Variants in SLC35A3 observed in about 807,000 individuals in gnomAD.
SLC35A3 encodes the protein UDP-N-acetylglucosamine transporter.
A neutral mutation model predicts 39.0 loss-of-function variants in SLC35A3; 26 were observed. The ratio of observed to expected loss-of-function variants is 0.67; its 90% CI spans 0.49 to 0.92. SLC35A3 has a LOEUF of 0.92. Ranked by LOEUF, SLC35A3 falls within the 40% of genes least tolerant of loss-of-function variation. SLC35A3 has a pLI of 0.00. For synonymous variants in SLC35A3, 135 were observed against 133.1 expected, an observed-to-expected ratio of 1.01 and a Z score of -0.10; for missense variants, 299 against 371.6, an observed-to-expected ratio of 0.80 and a Z score of 1.61.
chr1:100,009,735 A>G (rs1250305620), intron 4 of SLC35A3, among the ~76,000 whole-genome samples: 1 of 152,256 alleles, frequency 6.6e-6, no homozygotes, highest in Non-Finnish European at 1.5e-5. Context: ...TTAGACCAAT[A>G]AATATCATAG....
intron 3 of SLC35A3, among the ~76,000 whole-genome samples, chr1:100,003,416 C>CAAAAAAA (rs34020224): frequency 1.2e-4 from 7 of 57,130 alleles, no homozygotes; most frequent in Non-Finnish European, 2.0e-4. Context: ...AACTCCATCT[C>CAAAAAAA]AAAAAAAAAA....
At chr1:99,971,159 T>C (rs1377682835) in intron 1 of SLC35A3, among the ~76,000 whole-genome samples, 1 of 152,178 alleles carries the variant, frequency 6.6e-6, no homozygotes, top group Admixed American at 6.5e-5. Context: ...TATTCCTTCC[T>C]CAGAAATACG....
intron 1 of SLC35A3, among the ~76,000 whole-genome samples, chr1:99,975,272 G>A (rs1657048903): frequency 6.6e-6 from 1 of 152,064 alleles, no homozygotes; most frequent in African/African-American, 2.4e-5. Context: ...ATTACACAGA[G>A]TTATGAAGAG....
At chr1:100,000,070 A>T (rs1049099875) in intron 3 of SLC35A3, among the ~76,000 whole-genome samples, 4 of 152,130 alleles carry the variant, frequency 2.6e-5, no homozygotes, top group Non-Finnish European at 4.4e-5. Context: ...TGATATACTG[A>T]TTTCCTTTCC....
chr1:99,986,290 G>A (rs1383836301), intron 1 of SLC35A3, among the ~76,000 whole-genome samples: 1 of 150,722 alleles, frequency 6.6e-6, no homozygotes, highest in Non-Finnish European at 1.5e-5. Context: ...TCAGCCTCCT[G>A]AGTAGCTGGG....
rs759083864 is a variant in SLC35A3 at position 99,985,757 on chromosome 1, A to G, written c.-18-7780A>G. On this transcript the variant is annotated intron_variant, in intron 1 of 7. Coordinates refer to ENST00000533028, the MANE Select transcript of SLC35A3 (RefSeq NM_012243.3). The stretch of plus-strand genomic sequence containing the variant: ...ATGATTTCTTTCAGCAGTGTTTTGT[A>G]GTTTTCCTTATAGAGGTCCTTCACC... Among the ~76,000 whole-genome samples, 10 of 152,140 alleles carry G rather than the reference A, an allele frequency of 6.6e-5. No individual in the cohort carries two copies. The East Asian group carries it at 7.7e-4, about 12-fold the overall frequency.
At chr1:100,016,192 G>A (rs1259008015) in intron 6 of SLC35A3, among the ~76,000 whole-genome samples, 2 of 151,106 alleles carry the variant, frequency 1.3e-5, no homozygotes, top group Admixed American at 1.3e-4. Flanking sequence ...AGCCTCCTGA[G>A]TAGCTGGGAT....
intron 1 of SLC35A3, among the ~76,000 whole-genome samples, chr1:99,972,150 C>A (rs1656852677): frequency 6.6e-6 from 1 of 151,940 alleles, no homozygotes. Context: ...ATCCACCTGC[C>A]TCGACATCCC....
chr1:100,018,172 A>T (rs184592139), intron 7 of SLC35A3, among the ~76,000 whole-genome samples: 9 of 152,346 alleles, frequency 5.9e-5, no homozygotes, highest in Admixed American at 5.9e-4. Flanking sequence ...GAGATAGTTT[A>T]TATAGAGAAT....
At chr1:100,006,177 A>G (rs780264706) in intron 3 of SLC35A3, among the ~76,000 whole-genome samples, 2 of 152,122 alleles carry the variant, frequency 1.3e-5, no homozygotes, top group Non-Finnish European at 2.9e-5. Context: ...AGGCTGTGGC[A>G]AGGCTTTGCT....
At chr1:99,973,816 A>G (rs965870700) in intron 1 of SLC35A3, among the ~76,000 whole-genome samples, 12 of 152,188 alleles carry the variant, frequency 7.9e-5, no homozygotes, top group African/African-American at 2.9e-4. Context: ...GGAGTTTAAG[A>G]CCAGCCTGAC....
intron 1 of SLC35A3, among the ~76,000 whole-genome samples, chr1:99,987,885 A>G (rs1444626100): frequency 6.6e-6 from 1 of 152,218 alleles, no homozygotes; most frequent in African/African-American, 2.4e-5. Flanking sequence ...GAATGTCCTT[A>G]GAATTAATCC....
rs12130121 is a variant in SLC35A3 at position 100,025,136 on chromosome 1, A to G, written c.*2660A>G. Reference sequence around the variant, plus strand: ...AGAGTATTTGTTTACTAAGTTCACCACATTTTGAACATGGTAGTTTTAGAC... The same window carrying G: ...AGAGTATTTGTTTACTAAGTTCACCGCATTTTGAACATGGTAGTTTTAGAC... On this transcript the variant is annotated 3_prime_UTR_variant, in exon 8 of 8. Coordinates refer to ENST00000533028, the MANE Select transcript of SLC35A3 (RefSeq NM_012243.3). 0.047 allele frequency: 7,207 copies of G among 154,958 alleles called. 195 individuals carry two copies. The highest frequency in any genetic ancestry group is 0.068 in the African/African-American group (2,847 of 41,708). The allele number at this position is 154,958 out of a possible 1,614,324, so 9.6% of individuals were successfully genotyped here.
intron 7 of SLC35A3, among the ~76,000 whole-genome samples, chr1:100,022,136 A>T (rs566662404): frequency 6.7e-6 from 1 of 149,856 alleles, no homozygotes; most frequent in Non-Finnish European, 1.5e-5. Context: ...ATTCTTTAAA[A>T]CTGTTTCCTC....
chr1:99,972,884 C>T (rs779511638), intron 1 of SLC35A3, among the ~76,000 whole-genome samples: 8 of 152,058 alleles, frequency 5.3e-5, no homozygotes, highest in South Asian at 2.1e-4. Flanking sequence ...TTATTATCAC[C>T]GCTATTTTAT....
Position 99,999,435 on chromosome 1 carries a change from T to G in SLC35A3, c.342+20T>G. On this transcript the variant is annotated intron_variant, in intron 3 of 7. Transcript: ENST00000533028. The stretch of plus-strand genomic sequence containing the variant: ...TATCAGGTACTTAAAATACATTTCT[T>G]TCTTTTTTAAAAAAACTTTTTTCTT... 6.4e-7 allele frequency: 1 copy of G among 1,550,772 alleles called. No homozygotes were observed. Among genetic ancestry groups the G allele is most frequent in the Non-Finnish European group, 8.7e-7 (1 of 1,153,588 alleles).
At position 100,022,692 on chromosome 1, in the gene SLC35A3, A is replaced by G; in HGVS notation, c.*216A>G. 2.8e-6 allele frequency: 1 copy of G among 352,778 alleles called. No individual in the cohort carries two copies. Among genetic ancestry groups the G allele is most frequent in the Non-Finnish European group, 5.1e-6 (1 of 196,830 alleles). The allele number at this position is 352,778 out of a possible 1,614,324, so 21.9% of individuals were successfully genotyped here. On this transcript the variant is annotated 3_prime_UTR_variant, in exon 8 of 8. Transcript: ENST00000533028. ...GAAAGTATTTCCAGGGATTAGGATT[A>G]GAAGGAATATTAGAGGAAACTTGAA...
intron 1 of SLC35A3, among the ~76,000 whole-genome samples, chr1:99,989,029 G>C (rs1657920512): frequency 6.6e-6 from 1 of 152,080 alleles, no homozygotes; most frequent in African/African-American, 2.4e-5. Flanking sequence ...CCAAAGTGCT[G>C]TTTTCTTTTA....
chr1:99,977,892 C>T (rs1217339797), intron 1 of SLC35A3, among the ~76,000 whole-genome samples: 1 of 152,102 alleles, frequency 6.6e-6, no homozygotes, highest in Admixed American at 6.6e-5. Flanking sequence ...ATGCTAGAAC[C>T]TTGTAATGTT....
Sources: allele counts gnomAD v4.1 joint callset (sites outside exome capture counted in the v4.1 genomes callset), GRCh38; gene constraint gnomAD v4.1.1; transcripts MANE v1.5; gene names NCBI Gene and HGNC (gene_info 2026-07-23, HGNC 2026-07-21).